ARHGAP44: variants seen among roughly 807,000 people sequenced by gnomAD.
The protein encoded by ARHGAP44 is rho GTPase-activating protein 44.
Under a neutral mutation model 106.8 loss-of-function variants are expected in ARHGAP44, and 43 were observed. That is an observed-to-expected ratio of 0.40 (90% CI 0.32 to 0.52). The LOEUF (loss-of-function observed/expected upper bound fraction) is 0.52. Ranked by LOEUF, ARHGAP44 falls within the 20% of genes least tolerant of loss-of-function variation. The pLI, the probability that ARHGAP44 is intolerant of heterozygous loss-of-function variation, is 0.48. For synonymous variants in ARHGAP44, 439 were observed against 410.3 expected, an observed-to-expected ratio of 1.07 and a Z score of -0.85; for missense variants, 866 against 1,050.5, an observed-to-expected ratio of 0.82 and a Z score of 2.43.
intron 7 of ARHGAP44, among the ~76,000 whole-genome samples, chr17:12,935,175 T>C (rs2038509497): frequency 6.6e-6 from 1 of 152,154 alleles, no homozygotes; most frequent in Non-Finnish European, 1.5e-5. Context: ...CTTTTCTATG[T>C]TGAAGATAAT....
At chr17:12,847,073 CATTA>C (rs1460981484) in intron 1 of ARHGAP44, among the ~76,000 whole-genome samples, 1 of 152,142 alleles carries the variant, frequency 6.6e-6, no homozygotes, top group Non-Finnish European at 1.5e-5. Context: ...TTTTACCTGT[CATTA>C]ACTCAGCATA....
At chr17:12,851,285 C>T (rs2150848045) in intron 1 of ARHGAP44, among the ~76,000 whole-genome samples, 1 of 152,290 alleles carries the variant, frequency 6.6e-6, no homozygotes, top group Non-Finnish European at 1.5e-5. Flanking sequence ...ATAATAGGAA[C>T]ATCCCAAACT....
rs570317016 is a variant in ARHGAP44, at chr17:12,911,910, A to G, written c.275+2937A>G. 1.6e-3 allele frequency among the ~76,000 whole-genome samples: 239 copies of G among 152,346 alleles called. 1 individual carries two copies. The highest frequency in any genetic ancestry group is 5.4e-3 in the African/African-American group (226 of 41,580). On this transcript the variant is annotated intron_variant, in intron 4 of 20. Transcript: ENST00000379672. ...TCTCAGGAGAATCAGGTTAGTCCAAAAGGAAGGACCTAAAGATCTGAGGAT... is the reference window on the plus strand; with the variant it reads ...TCTCAGGAGAATCAGGTTAGTCCAAGAGGAAGGACCTAAAGATCTGAGGAT...
At chr17:12,841,915 GA>G (rs555164046) in intron 1 of ARHGAP44, among the ~76,000 whole-genome samples, 12 of 152,192 alleles carry the variant, frequency 7.9e-5, no homozygotes, top group Non-Finnish European at 1.3e-4. Flanking sequence ...CAAACACGTT[GA>G]AAAAGAGCTT....
chr17:12,813,320 A>G lies in ARHGAP44; in HGVS notation c.53+23429A>G, dbSNP rs552911203. Among the ~76,000 whole-genome samples, 29 of 150,756 alleles carry G rather than the reference A, an allele frequency of 1.9e-4. No individual in the cohort carries two copies. In the South Asian group the frequency reaches 5.2e-3, roughly 27 times the overall value. On this transcript the variant is annotated intron_variant, in intron 1 of 20. Transcript: ENST00000379672. ...GAGGTTTTTTGTTTTTTTTTTTTAG[A>G]AAGATAAAGAGCAAATCAAAAGTAA...
At chr17:12,935,640 C>G (rs901823994) in intron 7 of ARHGAP44, among the ~76,000 whole-genome samples, 3 of 150,236 alleles carry the variant, frequency 2.0e-5, no homozygotes, top group Admixed American at 1.3e-4. Flanking sequence ...ATAAAATTGT[C>G]AAGTAAAGTG....
rs377007581 is a variant in ARHGAP44, at chr17:12,978,626, A to T, written c.1764-1432A>T. Among the ~76,000 whole-genome samples, 181 of 150,638 alleles carry T rather than the reference A, an allele frequency of 1.2e-3. 5 individuals are homozygous for T. In the South Asian group the frequency reaches 0.035, roughly 29 times the overall value. On this transcript the variant is annotated intron_variant, in intron 18 of 20. Coordinates refer to ENST00000379672, the MANE Select transcript of ARHGAP44 (RefSeq NM_014859.6). ...GAATTTTCTCCAAATTAACACCTGGAGTTTCTAGATCAGTTTAGGAAAGAA... is the reference window on the plus strand; with the variant it reads ...GAATTTTCTCCAAATTAACACCTGGTGTTTCTAGATCAGTTTAGGAAAGAA...
Position 12,990,834 on chromosome 17 carries a change from T to TATATC in ARHGAP44, c.*666_*670dup, listed in dbSNP as rs1310185969. 6.6e-6 allele frequency: 1 copy of TATATC among 152,264 alleles called. No individual in the cohort carries two copies. The highest frequency in any genetic ancestry group is 1.5e-5 in the Non-Finnish European group (1 of 68,050). 9.4% of individuals were successfully genotyped at this position (152,264 alleles called of 1,614,324 possible). On this transcript the variant is annotated 3_prime_UTR_variant, in exon 21 of 21. Transcript: ENST00000379672. ...TTTCCACTGTGTGACTGAAAGCTCC[T>TATATC]ATATCATTTTATATTTCTGAATCTA...
intron 3 of ARHGAP44, among the ~76,000 whole-genome samples, chr17:12,898,240 G>A (rs2037272574): frequency 6.6e-6 from 1 of 152,168 alleles, no homozygotes; most frequent in African/African-American, 2.4e-5. Context: ...TACCAGTCAA[G>A]GGTGATTAGG....
intron 1 of ARHGAP44, among the ~76,000 whole-genome samples, chr17:12,829,375 C>T (rs1386077229): frequency 6.6e-6 from 1 of 152,032 alleles, no homozygotes; most frequent in Non-Finnish European, 1.5e-5. Flanking sequence ...TTTCTGATGC[C>T]CTGGGCCTTC....
chr17:12,825,833 C>T (rs1198735809), intron 1 of ARHGAP44, among the ~76,000 whole-genome samples: 1 of 152,162 alleles, frequency 6.6e-6, no homozygotes, highest in African/African-American at 2.4e-5. Flanking sequence ...ATTATATCCT[C>T]AGTGTCTGCC....
chr17:12,955,816 A>G, intron 13 of ARHGAP44, 51 bp from the exon 14 acceptor site: 1 of 1,142,584 alleles, frequency 8.8e-7, no homozygotes, highest in South Asian at 1.3e-5. Flanking sequence ...CCCGGGGGAC[A>G]TGGCTGGTGT....
intron 1 of ARHGAP44, among the ~76,000 whole-genome samples, chr17:12,869,551 C>G (rs2036344071): frequency 6.6e-6 from 1 of 151,974 alleles, no homozygotes; most frequent in Non-Finnish European, 1.5e-5. Flanking sequence ...TGTTGTGCAG[C>G]CATTGCCACC....
intron 1 of ARHGAP44, among the ~76,000 whole-genome samples, chr17:12,810,012 G>C (rs370721793): frequency 1.3e-5 from 2 of 152,130 alleles, no homozygotes; most frequent in Non-Finnish European, 1.5e-5. Context: ...TCATCAGCAG[G>C]GGGGTGGAAC....
intron 1 of ARHGAP44, among the ~76,000 whole-genome samples, chr17:12,862,757 G>A (rs767131662): frequency 4.6e-5 from 7 of 152,166 alleles, no homozygotes; most frequent in African/African-American, 7.2e-5. Context: ...TACTTTGGGA[G>A]GCTGAGGTGG....
chr17:12,978,036 C>CAAAAAAAAAAAAAAAAAAAAA (rs1157325814), intron 18 of ARHGAP44, among the ~76,000 whole-genome samples: 6 of 89,296 alleles, frequency 6.7e-5, no homozygotes, highest in Admixed American at 1.6e-4. Context: ...GACTCCATCT[C>CAAAAAAAAAAAAAAAAAAAAA]AAAAAAAAAA....
At position 12,990,121 on chromosome 17, in the gene ARHGAP44, G is replaced by GTAAC. The variant is rs1281524382; in HGVS notation, c.2409_2412dup (p.Asp805AsnfsTer2). 1 of 1,613,380 alleles carries GTAAC rather than the reference G, an allele frequency of 6.2e-7. No individual in the cohort carries two copies. Among genetic ancestry groups the GTAAC allele is most frequent in the Non-Finnish European group, 8.5e-7 (1 of 1,179,732 alleles). ...CCTGGAGCACATGCGGCGACACTCA[G>GTAAC]TAACTGACAAGAGGGACTCGGAGGA... On this transcript the variant is annotated frameshift_variant, in exon 21 of 21. Transcript: ENST00000379672. LOFTEE classifies it high-confidence loss of function.
intron 4 of ARHGAP44, among the ~76,000 whole-genome samples, chr17:12,910,172 A>G (rs2150941511): frequency 6.6e-6 from 1 of 152,260 alleles, no homozygotes; most frequent in African/African-American, 2.4e-5. Context: ...GCTACATGAA[A>G]TAGATTACAT....
intron 18 of ARHGAP44, among the ~76,000 whole-genome samples, chr17:12,979,375 C>G (rs2039775302): frequency 6.6e-6 from 1 of 152,136 alleles, no homozygotes; most frequent in South Asian, 2.1e-4. Flanking sequence ...GCCTCATTGT[C>G]AATTCCAGAG....
Sources: gnomAD v4.1 joint callset for allele counts (sites outside exome capture counted in the v4.1 genomes callset) on GRCh38, gnomAD v4.1.1 for gene constraint, MANE v1.5 for transcripts, NCBI Gene and HGNC (gene_info 2026-07-23, HGNC 2026-07-21) for gene names.